KCNQ5: variants seen among roughly 807,000 people sequenced by gnomAD.
KCNQ5 encodes the protein potassium voltage-gated channel subfamily Q member 5.
Under a neutral mutation model 98.2 loss-of-function variants are expected in KCNQ5, and 30 were observed. That is an observed-to-expected ratio of 0.31 (90% CI 0.23 to 0.41). The LOEUF is 0.41. Among genes scored for constraint, KCNQ5 ranks in the 10% least tolerant of loss-of-function variants. The probability of loss-of-function intolerance (pLI) is 1.00; values close to 1 mark genes in which losing one functional copy is unlikely to be tolerated. For missense variants in KCNQ5, 835 were observed against 1,182.5 expected, an observed-to-expected ratio of 0.71 and a Z score of 4.31; for synonymous variants, 458 against 449.4, an observed-to-expected ratio of 1.02 and a Z score of -0.24.
intron 1 of KCNQ5, among the ~76,000 whole-genome samples, chr6:72,664,321 C>T (rs1472780829): frequency 6.6e-6 from 1 of 152,124 alleles, no homozygotes; most frequent in Admixed American, 6.5e-5. Flanking sequence ...ATTCTAACAA[C>T]ACAGTTTGTA....
At chr6:73,049,209 G>A (rs1196752137) in intron 3 of KCNQ5, among the ~76,000 whole-genome samples, 1 of 152,128 alleles carries the variant, frequency 6.6e-6, no homozygotes, top group Admixed American at 6.6e-5. Context: ...ATAGTTGATT[G>A]CAGTATTTAA....
At chr6:73,129,884 A>C (rs1160489961) in intron 9 of KCNQ5, 2 of 1,575,704 alleles carry the variant, frequency 1.3e-6, no homozygotes, top group Non-Finnish European at 1.7e-6. Context: ...ATGAGATTTG[A>C]GAATGCCAAC....
At chr6:72,756,661 A>T (rs552834297) in intron 1 of KCNQ5, among the ~76,000 whole-genome samples, 80 of 152,224 alleles carry the variant, frequency 5.3e-4, no homozygotes, top group Non-Finnish European at 2.5e-4. Flanking sequence ...ATGGCTAAAG[A>T]TTGGGAGATA....
chr6:72,906,000 A>T (rs1233444401), intron 1 of KCNQ5, among the ~76,000 whole-genome samples: 1 of 152,124 alleles, frequency 6.6e-6, no homozygotes. Context: ...CTGGGTGGGT[A>T]GGGAAAGACC....
intron 3 of KCNQ5, among the ~76,000 whole-genome samples, chr6:73,061,900 C>T (rs1772798609): frequency 6.6e-6 from 1 of 152,006 alleles, no homozygotes; most frequent in South Asian, 2.1e-4. Flanking sequence ...TCGATACCTA[C>T]AATCAGAAAA....
intron 1 of KCNQ5, among the ~76,000 whole-genome samples, chr6:72,684,738 T>C (rs1311772311): frequency 6.6e-6 from 1 of 152,230 alleles, no homozygotes; most frequent in East Asian, 1.9e-4. Context: ...ACCTTCCAAA[T>C]ATTGACATAT....
chr6:72,790,718 C>T (rs570638425), intron 1 of KCNQ5, among the ~76,000 whole-genome samples: 40 of 151,926 alleles, frequency 2.6e-4, no homozygotes, highest in African/African-American at 9.4e-4. Flanking sequence ...TGGATATCCC[C>T]TAAATAAATA....
intron 1 of KCNQ5, among the ~76,000 whole-genome samples, chr6:72,733,082 G>T (rs996991092): frequency 4.6e-5 from 7 of 152,296 alleles, no homozygotes; most frequent in Non-Finnish European, 8.8e-5. Context: ...CATTCACATG[G>T]GACTAGAGAA....
rs576773701 is a variant in KCNQ5 at position 72,661,692 on chromosome 6, T to C, written c.398+39105T>C. Among the ~76,000 whole-genome samples, 41 of 152,136 alleles carry C rather than the reference T, an allele frequency of 2.7e-4. 1 individual carries two copies. Among genetic ancestry groups the C allele is most frequent in the Non-Finnish European group, 3.1e-4 (21 of 67,988 alleles). The stretch of plus-strand genomic sequence containing the variant: ...TAGATGAGATTTAGAGACATGAAGA[T>C]TGGTATTTAAAGGCTGCCTGTGACT... On this transcript the variant is annotated intron_variant, in intron 1 of 13. Transcript: ENST00000370398.
intron 1 of KCNQ5, among the ~76,000 whole-genome samples, chr6:72,763,945 C>G (rs998518862): frequency 6.6e-6 from 1 of 151,844 alleles, no homozygotes; most frequent in Non-Finnish European, 1.5e-5. Context: ...CAATATAGAA[C>G]ACTAATGAAA....
chr6:73,119,793 G>A (rs1775668941), intron 7 of KCNQ5, among the ~76,000 whole-genome samples: 1 of 133,080 alleles, frequency 7.5e-6, no homozygotes. Context: ...TCATGCTCAA[G>A]TCGCTCACCT....
At chr6:73,026,469 A>G in intron 2 of KCNQ5, among the ~76,000 whole-genome samples, 1 of 152,250 alleles carries the variant, frequency 6.6e-6, no homozygotes, top group African/African-American at 2.4e-5. Flanking sequence ...GTTTGCTCCA[A>G]AAGGCCTACC....
intron 1 of KCNQ5, among the ~76,000 whole-genome samples, chr6:72,680,974 T>C (rs1767675573): frequency 6.6e-6 from 1 of 152,180 alleles, no homozygotes; most frequent in Non-Finnish European, 1.5e-5. Context: ...CTGCAATTAC[T>C]TACTGCAAAT....
At chr6:72,959,714 G>C (rs1303009099) in intron 1 of KCNQ5, among the ~76,000 whole-genome samples, 1 of 152,168 alleles carries the variant, frequency 6.6e-6, no homozygotes, top group East Asian at 1.9e-4. Flanking sequence ...AGTATAAAAT[G>C]ATAGTTTTTA....
chr6:73,170,418 C>T (rs967697994), intron 11 of KCNQ5, among the ~76,000 whole-genome samples: 4 of 105,782 alleles, frequency 3.8e-5, no homozygotes, highest in Non-Finnish European at 5.3e-5. Context: ...TGACCTTTCC[C>T]ACCACACACA....
intron 1 of KCNQ5, among the ~76,000 whole-genome samples, chr6:72,842,621 A>G (rs1034406387): frequency 6.6e-6 from 1 of 152,080 alleles, no homozygotes; most frequent in African/African-American, 2.4e-5. Flanking sequence ...AAGTGTTTCT[A>G]TTTCTCCACA....
chr6:72,907,895 T>C, intron 1 of KCNQ5, among the ~76,000 whole-genome samples: 1 of 152,092 alleles, frequency 6.6e-6, no homozygotes, highest in Non-Finnish European at 1.5e-5. Flanking sequence ...ATCCACATCA[T>C]TAAGAGAATA....
intron 1 of KCNQ5, among the ~76,000 whole-genome samples, chr6:72,639,501 C>T (rs1399331947): frequency 6.6e-6 from 1 of 152,092 alleles, no homozygotes; most frequent in African/African-American, 2.4e-5. Context: ...ACATAGCAAT[C>T]AGTTTTTCAA....
intron 1 of KCNQ5, among the ~76,000 whole-genome samples, chr6:72,835,904 A>G (rs1469866140): frequency 6.6e-6 from 1 of 152,240 alleles, no homozygotes; most frequent in Non-Finnish European, 1.5e-5. Flanking sequence ...ATATAATAGT[A>G]TATCACTGTG....
Sources: gnomAD v4.1 joint callset for allele counts (sites outside exome capture counted in the v4.1 genomes callset) on GRCh38, gnomAD v4.1.1 for gene constraint, MANE v1.5 for transcripts, NCBI Gene and HGNC (gene_info 2026-07-23, HGNC 2026-07-21) for gene names.